DMD: variants seen among roughly 807,000 people sequenced by gnomAD.
The protein encoded by DMD is mutant dystrophin.
DMD carries 63 observed loss-of-function variants against 330.1 expected under a neutral mutation model. The observed-to-expected ratio is 0.19, with a 90% CI of 0.16 to 0.24. DMD has a LOEUF of 0.24. Among genes scored for constraint, DMD ranks in the 10% least tolerant of loss-of-function variants. DMD has a pLI of 1.00. For missense variants in DMD, 3,344 were observed against 2,684.1 expected, an observed-to-expected ratio of 1.25 and a Z score of -5.43; for synonymous variants, 1,223 against 959.8, an observed-to-expected ratio of 1.27 and a Z score of -5.07.
At chrX:32,701,199 T>A (rs1413955270) in intron 7 of DMD, among the ~76,000 whole-genome samples, 1 of 111,840 alleles carries the variant, frequency 8.9e-6, no homozygotes, top group Non-Finnish European at 1.9e-5. Flanking sequence ...ACATTTTGAA[T>A]AAGGGCCAAA....
intron 9 of DMD, among the ~76,000 whole-genome samples, chrX:32,656,181 C>T (rs1419946068): frequency 1.8e-5 from 2 of 111,938 alleles, no homozygotes; most frequent in Non-Finnish European, 3.8e-5. Flanking sequence ...GGATATAACG[C>T]ATCCAACTTC....
intron 9 of DMD, among the ~76,000 whole-genome samples, chrX:32,681,572 T>G (rs759699238): frequency 2.8e-4 from 31 of 111,877 alleles, no homozygotes; most frequent in Middle Eastern, 4.6e-3. Context: ...GAACAATATA[T>G]TAGATTCACG....
chrX:32,978,581 C>G (rs34138860), intron 2 of DMD, among the ~76,000 whole-genome samples: 3,293 of 111,762 alleles, frequency 0.029, 86 homozygotes, highest in East Asian at 0.17. Context: ...GTGATTCCCC[C>G]ACCTCAGCCT....
chrX:32,452,967 A>G (rs878933846), intron 26 of DMD, among the ~76,000 whole-genome samples: 1 of 110,822 alleles, frequency 9.0e-6, no homozygotes, highest in Admixed American at 9.6e-5. Context: ...GTGTTTCCAT[A>G]AAGATTTTTT....
intron 55 of DMD, among the ~76,000 whole-genome samples, chrX:31,588,919 C>G (rs1306440080): frequency 5.8e-5 from 6 of 103,815 alleles, no homozygotes; most frequent in African/African-American, 1.8e-4. Flanking sequence ...CTCTTTCCCC[C>G]ACTTATACCA....
At chrX:31,784,355 G>A (rs73213863) in intron 50 of DMD, among the ~76,000 whole-genome samples, 28 of 111,869 alleles carry the variant, frequency 2.5e-4, no homozygotes, top group Non-Finnish European at 4.1e-4. Flanking sequence ...ACATGTGCTG[G>A]CAAGGATGTG....
At chrX:32,277,287 A>G (rs186318561) in intron 43 of DMD, among the ~76,000 whole-genome samples, 184 of 111,870 alleles carry the variant, frequency 1.6e-3, no homozygotes, top group Admixed American at 4.8e-3. Flanking sequence ...TAAAGCAAAT[A>G]TATATACAAC....
chrX:32,786,172 C>G (rs1160141536), intron 7 of DMD, among the ~76,000 whole-genome samples: 1 of 109,745 alleles, frequency 9.1e-6, no homozygotes, highest in Non-Finnish European at 1.9e-5. Flanking sequence ...CCAAGAGACT[C>G]ACTTGCCCAA....
intron 53 of DMD, among the ~76,000 whole-genome samples, chrX:31,674,167 C>CACT (rs1439135582): frequency 3.6e-5 from 4 of 111,705 alleles, no homozygotes; most frequent in Non-Finnish European, 7.5e-5. Context: ...ATTCAGTTTC[C>CACT]ACTACCGTAC....
intron 7 of DMD, among the ~76,000 whole-genome samples, chrX:32,726,581 T>C (rs2066908219): frequency 9.0e-6 from 1 of 111,653 alleles, no homozygotes. Flanking sequence ...GTCTTAGCTA[T>C]AATAATATCG....
intron 2 of DMD, among the ~76,000 whole-genome samples, chrX:32,994,261 G>C (rs916035363): frequency 1.8e-5 from 2 of 109,078 alleles, no homozygotes; most frequent in Non-Finnish European, 3.8e-5. Flanking sequence ...AAATGCCAAG[G>C]TGCCATATTT....
At chrX:31,462,073 G>A (rs2066562452) in intron 59 of DMD, among the ~76,000 whole-genome samples, 1 of 111,785 alleles carries the variant, frequency 8.9e-6, no homozygotes, top group Admixed American at 9.5e-5. Context: ...GTGGTAGAGG[G>A]AGTATTTACA....
intron 60 of DMD, among the ~76,000 whole-genome samples, chrX:31,417,106 C>T (rs1193264255): frequency 1.8e-5 from 2 of 111,253 alleles, no homozygotes; most frequent in Non-Finnish European, 3.8e-5. Context: ...CAGGAAATGC[C>T]CTGTTCTTCT....
At chrX:31,703,662 C>T (rs1327511545) in intron 52 of DMD, among the ~76,000 whole-genome samples, 1 of 111,560 alleles carries the variant, frequency 9.0e-6, no homozygotes, top group Non-Finnish European at 1.9e-5. Flanking sequence ...ACAAAATAAA[C>T]ACATACATTT....
At chrX:31,507,235 C>A in intron 56 of DMD, 46 bp downstream of exon 56, 1 of 1,193,942 alleles carries the variant, frequency 8.4e-7, no homozygotes, top group Non-Finnish European at 1.1e-6. Flanking sequence ...GAAAATTTGG[C>A]CATTTTAATT....
chrX:32,846,665 C>T (rs779845440), intron 3 of DMD, among the ~76,000 whole-genome samples: 3 of 96,794 alleles, frequency 3.1e-5, no homozygotes, highest in African/African-American at 1.2e-4. Context: ...TGTTGGTTTA[C>T]ATTCTGATAT....
chrX:31,679,274 G>GTAAT, intron 53 of DMD, 101 bp downstream of exon 53: 1 of 776,734 alleles, frequency 1.3e-6, no homozygotes, highest in Non-Finnish European at 1.9e-6. Context: ...GTGATTTTCT[G>GTAAT]TTAATAACTT....
At chrX:32,330,373 G>A (rs1272043073) in intron 41 of DMD, among the ~76,000 whole-genome samples, 2 of 111,852 alleles carry the variant, frequency 1.8e-5, no homozygotes, top group African/African-American at 6.5e-5. Flanking sequence ...TTATTCATCT[G>A]TTCTCAGAAT....
chrX:32,327,088 C>T (rs1451523731), intron 41 of DMD, among the ~76,000 whole-genome samples: 1 of 108,756 alleles, frequency 9.2e-6, no homozygotes, highest in Non-Finnish European at 1.9e-5. Flanking sequence ...AACTATGAGT[C>T]CATATATATA....
Sources: gnomAD v4.1 joint callset for allele counts (sites outside exome capture counted in the v4.1 genomes callset) on GRCh38, gnomAD v4.1.1 for gene constraint, MANE v1.5 for transcripts, NCBI Gene and HGNC (gene_info 2026-07-23, HGNC 2026-07-21) for gene names.